SPTLC3: variants seen among roughly 807,000 people sequenced by gnomAD.
SPTLC3 encodes the protein serine palmitoyltransferase long chain base subunit 3, also known as serine palmitoyltransferase 3.
SPTLC3 carries 36 observed loss-of-function variants against 59.3 expected under a neutral mutation model. That is an observed-to-expected ratio of 0.61 (90% CI 0.47 to 0.80). The LOEUF (loss-of-function observed/expected upper bound fraction) is 0.80, where lower values mean the gene tolerates loss of function less well. SPTLC3 is among the 30% of genes least tolerant of loss of function. The pLI is 0.00. For synonymous variants in SPTLC3, 257 were observed against 240.8 expected, an observed-to-expected ratio of 1.07 and a Z score of -0.62; for missense variants, 625 against 685.1, an observed-to-expected ratio of 0.91 and a Z score of 0.98.
At chr20:13,136,371 T>C (rs1379191024) in intron 9 of SPTLC3, among the ~76,000 whole-genome samples, 2 of 151,978 alleles carry the variant, frequency 1.3e-5, no homozygotes, top group East Asian at 3.9e-4. Context: ...CCAAGGCAGG[T>C]GGATCACCCG....
chr20:13,016,785 TC>T (rs1985546852), intron 1 of SPTLC3, among the ~76,000 whole-genome samples: 1 of 152,156 alleles, frequency 6.6e-6, no homozygotes, highest in Non-Finnish European at 1.5e-5. Context: ...TATAGTTAAA[TC>T]TTTGGGAGGT....
At chr20:13,150,041 G>A (rs185776472) in intron 9 of SPTLC3, among the ~76,000 whole-genome samples, 7 of 152,278 alleles carry the variant, frequency 4.6e-5, no homozygotes, top group South Asian at 2.1e-4. Context: ...GAATGCACAC[G>A]GGGACAGGCC....
intron 2 of SPTLC3, among the ~76,000 whole-genome samples, chr20:13,065,987 C>T: frequency 6.6e-6 from 1 of 152,224 alleles, no homozygotes; most frequent in Non-Finnish European, 1.5e-5. Context: ...ACTATAGTCA[C>T]CATGCTGTAC....
chr20:13,089,504 G>A, intron 4 of SPTLC3, among the ~76,000 whole-genome samples: 1 of 151,990 alleles, frequency 6.6e-6, no homozygotes, highest in Non-Finnish European at 1.5e-5. Context: ...AAAAATATCG[G>A]GCCAGGTGCA....
At chr20:13,095,675 T>A (rs549531822) in intron 6 of SPTLC3, among the ~76,000 whole-genome samples, 7 of 152,240 alleles carry the variant, frequency 4.6e-5, no homozygotes, top group African/African-American at 1.7e-4. Context: ...CCCCAGATGA[T>A]TATAATGTAT....
chr20:13,102,748 A>G (rs1158175589), intron 6 of SPTLC3, among the ~76,000 whole-genome samples: 2 of 152,148 alleles, frequency 1.3e-5, no homozygotes, highest in African/African-American at 2.4e-5. Context: ...TAGAGATCCC[A>G]TCTCAGTACT....
chr20:13,065,158 CTT>C (rs937586619), intron 2 of SPTLC3, among the ~76,000 whole-genome samples: 4 of 151,828 alleles, frequency 2.6e-5, no homozygotes, highest in African/African-American at 7.2e-5. Context: ...TTACAATAAA[CTT>C]ATTAATTGTC....
chr20:13,055,154 C>A (rs1255205652), intron 2 of SPTLC3, among the ~76,000 whole-genome samples: 2 of 151,588 alleles, frequency 1.3e-5, no homozygotes, highest in African/African-American at 4.9e-5. Context: ...TGGGCAGATA[C>A]ATGGATAGCA....
chr20:13,103,391 T>A (rs547455389), intron 6 of SPTLC3, among the ~76,000 whole-genome samples: 1 of 152,300 alleles, frequency 6.6e-6, no homozygotes, highest in South Asian at 2.1e-4. Flanking sequence ...AGGATGAAAC[T>A]GCATGTCCAA....
intron 1 of SPTLC3, among the ~76,000 whole-genome samples, chr20:13,026,831 C>T (rs1332851807): frequency 2.0e-5 from 3 of 152,122 alleles, no homozygotes; most frequent in African/African-American, 7.2e-5. Context: ...AAAACTGTTA[C>T]ATGTCAGACA....
intron 4 of SPTLC3, among the ~76,000 whole-genome samples, chr20:13,081,656 T>A (rs1188746762): frequency 6.6e-6 from 1 of 152,172 alleles, no homozygotes; most frequent in Non-Finnish European, 1.5e-5. Context: ...TATTTTTACG[T>A]AAATCAATGT....
chr20:13,041,496 C>T (rs1284896448), intron 1 of SPTLC3, among the ~76,000 whole-genome samples: 1 of 152,058 alleles, frequency 6.6e-6, no homozygotes, highest in East Asian at 1.9e-4. Flanking sequence ...TTTGATAAGA[C>T]ATTGCCATCA....
chr20:13,115,866 T>C (rs1990514150), intron 7 of SPTLC3, among the ~76,000 whole-genome samples: 1 of 152,164 alleles, frequency 6.6e-6, no homozygotes, highest in Admixed American at 6.5e-5. Context: ...TTGTATTGCA[T>C]ATGAGGAAAC....
intron 9 of SPTLC3, among the ~76,000 whole-genome samples, chr20:13,129,281 C>T (rs1197212935): frequency 6.6e-6 from 1 of 152,144 alleles, no homozygotes; most frequent in African/African-American, 2.4e-5. Context: ...GGATTACAGG[C>T]GTGAGCCACT....
At chr20:13,025,564 C>T (rs1453945929) in intron 1 of SPTLC3, among the ~76,000 whole-genome samples, 1 of 152,038 alleles carries the variant, frequency 6.6e-6, no homozygotes, top group African/African-American at 2.4e-5. Flanking sequence ...GCATGCAAAG[C>T]CTTAGAACAG....
intron 9 of SPTLC3, among the ~76,000 whole-genome samples, chr20:13,143,632 T>C (rs1029218309): frequency 6.6e-6 from 1 of 152,174 alleles, no homozygotes; most frequent in African/African-American, 2.4e-5. Context: ...CCCATCAATT[T>C]TTCCCCATAC....
intron 1 of SPTLC3, among the ~76,000 whole-genome samples, chr20:13,038,814 A>G (rs2122462362): frequency 6.6e-6 from 1 of 152,266 alleles, no homozygotes; most frequent in African/African-American, 2.4e-5. Flanking sequence ...TGCTTTAGCT[A>G]TATCTAATAA....
chr20:13,054,929 G>A (rs1026186549), intron 2 of SPTLC3, among the ~76,000 whole-genome samples: 2 of 152,276 alleles, frequency 1.3e-5, no homozygotes, highest in East Asian at 1.9e-4. Context: ...TTCAGAGACA[G>A]AGTCCCAATT....
chr20:13,143,461 G>T (rs2038433894), intron 9 of SPTLC3, among the ~76,000 whole-genome samples: 1 of 152,096 alleles, frequency 6.6e-6, no homozygotes, highest in Non-Finnish European at 1.5e-5. Flanking sequence ...TCCTTGTCAT[G>T]ATTCCCATTT....
Sources: allele counts gnomAD v4.1 joint callset (sites outside exome capture counted in the v4.1 genomes callset), GRCh38; gene constraint gnomAD v4.1.1; transcripts MANE v1.5; gene names NCBI Gene and HGNC (gene_info 2026-07-23, HGNC 2026-07-21).